The following BICC1 variants were observed in gnomAD, a reference collection of about 807,000 sequenced individuals.
BICC1 encodes the protein BicC family RNA binding protein 1.
In BICC1, 43 loss-of-function variants were observed where a neutral mutation model predicts 111.0. The ratio of observed to expected loss-of-function variants is 0.39; its 90% confidence interval spans 0.30 to 0.50. The LOEUF (loss-of-function observed/expected upper bound fraction) is 0.50, where lower values mean the gene tolerates loss of function less well. Ranked by LOEUF, BICC1 falls within the 20% of genes least tolerant of loss-of-function variation. The probability of loss-of-function intolerance (pLI) is 0.88; values close to 1 mark genes in which losing one functional copy is unlikely to be tolerated. For synonymous variants in BICC1, 467 were observed against 434.4 expected (o/e 1.07, Z -0.93); for missense variants, 1,091 against 1,203.2 (o/e 0.91, Z 1.38).
At chr10:58,592,961 A>C (rs1380038944) in intron 1 of BICC1, among the ~76,000 whole-genome samples, 1 of 151,234 alleles carries the variant, frequency 6.6e-6, no homozygotes, top group Non-Finnish European at 1.5e-5. Flanking sequence ...GACAGAGCCC[A>C]GCACACTAAG....
chr10:58,603,424 G>C (rs1845107149), intron 1 of BICC1, among the ~76,000 whole-genome samples: 1 of 152,110 alleles, frequency 6.6e-6, no homozygotes, highest in South Asian at 2.1e-4. Flanking sequence ...AGATTCCTGG[G>C]ATCCCAGAAA....
rs1441244754 is a variant in BICC1, at chr10:58,829,308, G to T, written c.*417G>T. ...TGCTTGTTTTGTTTGGGTATTTGGG[G>T]ATTTTTAAAAAATAATCAAAGTGGA... On this transcript the variant is annotated 3_prime_UTR_variant, in exon 21 of 21. Transcript: ENST00000373886. 1.3e-5 allele frequency: 2 copies of T among 148,658 alleles called. No homozygotes were observed. The highest frequency in any genetic ancestry group is 2.5e-5 in the African/African-American group (1 of 40,150). 9.2% of individuals were successfully genotyped at this position (148,658 alleles called of 1,614,324 possible). A position where few individuals can be genotyped will look rare whatever the true frequency, so the allele number is the denominator to read the frequency against.
At chr10:58,597,429 C>A (rs887838488) in intron 1 of BICC1, among the ~76,000 whole-genome samples, 2 of 152,040 alleles carry the variant, frequency 1.3e-5, no homozygotes, top group Non-Finnish European at 2.9e-5. Flanking sequence ...AAGGGTCCAA[C>A]AAAGATCACA....
At chr10:58,568,834 C>T (rs182099964) in intron 1 of BICC1, among the ~76,000 whole-genome samples, 44 of 152,270 alleles carry the variant, frequency 2.9e-4, no homozygotes, top group Non-Finnish European at 1.5e-4. Context: ...TTTGTAAGAA[C>T]GACATGATAT....
intron 1 of BICC1, among the ~76,000 whole-genome samples, chr10:58,559,738 C>G (rs1843553046): frequency 6.6e-6 from 1 of 151,970 alleles, no homozygotes; most frequent in South Asian, 2.1e-4. Flanking sequence ...CATGTATGGC[C>G]TTTATTGTGT....
intron 3 of BICC1, among the ~76,000 whole-genome samples, chr10:58,720,266 C>G (rs553327488): frequency 6.6e-6 from 1 of 152,132 alleles, no homozygotes; most frequent in African/African-American, 2.4e-5. Flanking sequence ...TTCTTGCTGT[C>G]GTAAGTGAAT....
chr10:58,575,179 T>C (rs10740730), intron 1 of BICC1, among the ~76,000 whole-genome samples: 55,262 of 151,750 alleles, frequency 0.36, 11,293 homozygotes, highest in Admixed American at 0.56. Context: ...TCTTCCCTCC[T>C]GTTGTCCCCC....
At chr10:58,523,126 C>G (rs964741026) in intron 1 of BICC1, among the ~76,000 whole-genome samples, 3 of 152,126 alleles carry the variant, frequency 2.0e-5, no homozygotes, top group African/African-American at 7.2e-5. Flanking sequence ...ACCAGAGGTA[C>G]AAGGAGGAGC....
At chr10:58,625,890 A>C (rs1845976078) in intron 2 of BICC1, among the ~76,000 whole-genome samples, 1 of 152,134 alleles carries the variant, frequency 6.6e-6, no homozygotes, top group African/African-American at 2.4e-5. Context: ...GATTATTTTT[A>C]TATTTCGAGT....
chr10:58,828,625 G>T (rs2133005657), intron 20 of BICC1, 136 bp from the exon 21 acceptor site: 1 of 826,122 alleles, frequency 1.2e-6, no homozygotes, highest in East Asian at 2.8e-5. Context: ...TCAACTAAAA[G>T]TTTTCCTTTT....
intron 2 of BICC1, among the ~76,000 whole-genome samples, chr10:58,645,277 T>C (rs533648175): frequency 4.6e-5 from 7 of 151,802 alleles, no homozygotes; most frequent in Admixed American, 2.0e-4. Flanking sequence ...GGTGTGGTGG[T>C]GGGCGCCTGT....
At position 58,795,650 on chromosome 10, in the gene BICC1, A is replaced by ATT. The variant is rs750726831; in HGVS notation, c.1180-677_1180-676dup. On this transcript the variant is annotated intron_variant, in intron 9 of 20. Transcript: ENST00000373886. ...TGCTTTAACTGCTTTCTCAGCCACA[A>ATT]TTTTTTTTTTTTTTGGTCCATTGAG... Among the ~76,000 whole-genome samples the ATT allele has an allele frequency of 1.8e-3, 259 of 142,830 alleles. 1 individual carries two copies. Among genetic ancestry groups the ATT allele is most frequent in the African/African-American group, 6.4e-3 (250 of 39,218 alleles). 93.7% of individuals were successfully genotyped at this position (142,830 alleles called of 152,430 possible). A position where few individuals can be genotyped will look rare whatever the true frequency, so the allele number is the denominator to read the frequency against.
intron 1 of BICC1, among the ~76,000 whole-genome samples, chr10:58,608,616 A>G (rs1293786651): frequency 6.6e-6 from 1 of 152,118 alleles, no homozygotes; most frequent in East Asian, 1.9e-4. Flanking sequence ...TGTCGTTTTT[A>G]TTACACAACT....
intron 1 of BICC1, among the ~76,000 whole-genome samples, chr10:58,590,044 C>T (rs1402286375): frequency 6.6e-6 from 1 of 152,078 alleles, no homozygotes; most frequent in Non-Finnish European, 1.5e-5. Flanking sequence ...TTCATTTATT[C>T]ATATGGGATT....
At chr10:58,524,382 C>G (rs1842474429) in intron 1 of BICC1, among the ~76,000 whole-genome samples, 1 of 151,996 alleles carries the variant, frequency 6.6e-6, no homozygotes, top group Non-Finnish European at 1.5e-5. Flanking sequence ...ACAGAGCCCT[C>G]AGAAATAATG....
intron 1 of BICC1, among the ~76,000 whole-genome samples, chr10:58,574,212 A>G (rs1468201716): frequency 1.3e-5 from 2 of 152,186 alleles, no homozygotes; most frequent in African/African-American, 4.8e-5. Flanking sequence ...AGACAGCACA[A>G]CAGAAGGATG....
At chr10:58,571,137 C>G (rs1013837168) in intron 1 of BICC1, among the ~76,000 whole-genome samples, 1 of 151,922 alleles carries the variant, frequency 6.6e-6, no homozygotes, top group African/African-American at 2.4e-5. Flanking sequence ...TTTCATAGAC[C>G]GCAAGATTTT....
chr10:58,673,071 G>T (rs999058758), intron 2 of BICC1, among the ~76,000 whole-genome samples: 1 of 152,140 alleles, frequency 6.6e-6, no homozygotes, highest in Non-Finnish European at 1.5e-5. Context: ...GCTCTCCCTT[G>T]TGACATCATT....
chr10:58,793,782 A>G (rs1220383366), intron 9 of BICC1, among the ~76,000 whole-genome samples, 167 bp downstream of exon 9: 2 of 152,174 alleles, frequency 1.3e-5, no homozygotes, highest in Non-Finnish European at 2.9e-5. Context: ...TAGCACTGAC[A>G]TGACAGTCAA....
Sources: allele counts gnomAD v4.1 joint callset (sites outside exome capture counted in the v4.1 genomes callset), GRCh38; gene constraint gnomAD v4.1.1; transcripts MANE v1.5; gene names NCBI Gene and HGNC (gene_info 2026-07-23, HGNC 2026-07-21).